The following RO60 variants were observed in gnomAD, a reference collection of about 807,000 sequenced individuals.
RO60 encodes the protein Ro60, Y RNA binding protein.
A neutral mutation model predicts 55.3 loss-of-function variants in RO60; 20 were observed. That is an observed-to-expected ratio of 0.36 (90% confidence interval 0.25 to 0.53). RO60 has a LOEUF of 0.53. RO60 is among the 20% of genes least tolerant of loss of function. The pLI, the probability that RO60 is intolerant of heterozygous loss-of-function variation, is 0.92. For synonymous variants in RO60, 213 were observed against 213.6 expected (o/e 1.00, Z 0.02); for missense variants, 558 against 646.6 (o/e 0.86, Z 1.49).
chr1:193,062,970 G>A (rs762967238), intron 1 of RO60, among the ~76,000 whole-genome samples: 4 of 151,954 alleles, frequency 2.6e-5, no homozygotes, highest in Non-Finnish European at 4.4e-5. Flanking sequence ...CTTTTTGACC[G>A]TTATGAGTAA....
intron 1 of RO60, among the ~76,000 whole-genome samples, chr1:193,066,582 T>C (rs2103025697): frequency 6.6e-6 from 1 of 152,360 alleles, no homozygotes; most frequent in East Asian, 1.9e-4. Context: ...TCCATGATAC[T>C]ATTCTCTGTC....
intron 2 of RO60, among the ~76,000 whole-genome samples, chr1:193,074,772 C>A (rs1215609904): frequency 6.6e-6 from 1 of 152,148 alleles, no homozygotes; most frequent in East Asian, 1.9e-4. Context: ...CTTTTGTTGC[C>A]ATTGCTTTTG....
rs567626813 is a variant in RO60, at chr1:193,085,216, T to TAA, written c.*495_*496dup. On this transcript the variant is annotated 3_prime_UTR_variant, in exon 9 of 9. Transcript: ENST00000400968. ...TCTGTAAACTTTTATACCAAGGGGG[T>TAA]AAAAAAAAAAACTAAGGCATTTGAT... 1.2e-4 allele frequency: 114 copies of TAA among 929,926 alleles called. No individual in the cohort carries two copies. The highest frequency in any genetic ancestry group is 5.6e-4 in the East Asian group (13 of 23,202). 57.6% of individuals were successfully genotyped at this position (929,926 alleles called of 1,614,324 possible).
Position 193,077,737 on chromosome 1 carries a change from A to G in RO60, c.1086+687A>G, listed in dbSNP as rs1324742742. ...AGAAGGGGGAATATGGTGCTAAACT[A>G]TTAGAAACTGCCCCCATGATCCAGT... On this transcript the variant is annotated intron_variant, in intron 5 of 8. Coordinates refer to ENST00000400968, the MANE Select transcript of RO60 (RefSeq NM_001173524.2). 2.0e-5 allele frequency among the ~76,000 whole-genome samples: 3 copies of G among 152,146 alleles called. No homozygotes were observed. In the East Asian group the frequency reaches 5.8e-4, roughly 29 times the overall value.
At position 193,059,929 on chromosome 1, in the gene RO60, C is replaced by G; in HGVS notation, c.-22+153C>G. The G allele has an allele frequency of 2.2e-6, 3 of 1,366,294 alleles. No individual in the cohort carries two copies. Among genetic ancestry groups the G allele is most frequent in the Non-Finnish European group, 2.9e-6 (3 of 1,021,756 alleles). 84.6% of individuals were successfully genotyped at this position (1,366,294 alleles called of 1,614,324 possible). A position where few individuals can be genotyped will look rare whatever the true frequency, so the allele number is the denominator to read the frequency against. On this transcript the variant is annotated intron_variant, in intron 1 of 8. Transcript: ENST00000400968. The surrounding 1 kb of genome is among the most constrained non-coding windows in gnomAD (Gnocchi z 4.9). Reference sequence around the variant, plus strand: ...ATCGCTCTTCCCCGTCCCGCTTCCGCGCCTGTCCACCCTGGGTAACGGAAC... The same window carrying G: ...ATCGCTCTTCCCCGTCCCGCTTCCGGGCCTGTCCACCCTGGGTAACGGAAC...
chr1:193,073,548 ACT>A (rs771785681), intron 2 of RO60, among the ~76,000 whole-genome samples: 12 of 151,638 alleles, frequency 7.9e-5, no homozygotes, highest in South Asian at 2.1e-4. Context: ...CACCCTAACA[ACT>A]CTCTATTACA....
chr1:193,063,209 G>A (rs1033616798), intron 1 of RO60, among the ~76,000 whole-genome samples: 4 of 152,112 alleles, frequency 2.6e-5, no homozygotes, highest in Non-Finnish European at 5.9e-5. Flanking sequence ...TTTGATTATA[G>A]CTGTCCTAGT....
chr1:193,083,306 T>C (rs1033984102), intron 8 of RO60, among the ~76,000 whole-genome samples: 2 of 152,202 alleles, frequency 1.3e-5, no homozygotes, highest in Non-Finnish European at 2.9e-5. Context: ...TAATTCAGTG[T>C]GCTCCTTGAA....
chr1:193,076,809 C>A, intron 4 of RO60, 104 bp from the exon 5 acceptor site: 1 of 1,369,514 alleles, frequency 7.3e-7, no homozygotes, highest in South Asian at 1.4e-5. Context: ...TCATTTTTCT[C>A]TTTTCTATAT....
rs1318523701 is a variant in RO60 at position 193,059,876 on chromosome 1, G to C, written c.-22+100G>C. 7.3e-7 allele frequency: 1 copy of C among 1,365,008 alleles called. No individual in the cohort carries two copies. 84.6% of individuals were successfully genotyped at this position (1,365,008 alleles called of 1,614,324 possible). ...CATGTCTCTCACCCGCATCCCAGGG[G>C]TTGAGGCTGGGCAAACGCCGCGAAA... is the stretch of plus-strand genomic sequence containing the variant. On this transcript the variant is annotated intron_variant, in intron 1 of 8. Transcript: ENST00000400968. This position sits in a 1 kb window ranked among gnomAD's most constrained non-coding sequence, Gnocchi z 4.9.
At chr1:193,073,533 C>T (rs187881693) in intron 2 of RO60, among the ~76,000 whole-genome samples, 32 of 152,176 alleles carry the variant, frequency 2.1e-4, no homozygotes, top group African/African-American at 6.5e-4. Context: ...TCTGTTCAGT[C>T]ACCACACCCT....
rs1451440304 is a variant in RO60 at position 193,090,887 on chromosome 1, T to A, written c.*6156T>A. 6.6e-6 allele frequency: 1 copy of A among 152,168 alleles called. No individual in the cohort carries two copies. Among genetic ancestry groups the A allele is most frequent in the Admixed American group, 6.5e-5 (1 of 15,276 alleles). The allele number at this position is 152,168 out of a possible 1,614,324, so 9.4% of individuals were successfully genotyped here. A position where few individuals can be genotyped will look rare whatever the true frequency, so the allele number is the denominator to read the frequency against. ...AAGGGTCTTTTAGAGCTTTTAATTT[T>A]ACATAGTGAATGGAAATTTAAGTAT... On this transcript the variant is annotated 3_prime_UTR_variant, in exon 9 of 9. Transcript: ENST00000400968.
chr1:193,070,837 A>G (rs893713950), intron 2 of RO60, among the ~76,000 whole-genome samples: 1 of 152,228 alleles, frequency 6.6e-6, no homozygotes, highest in Admixed American at 6.5e-5. Context: ...AATGAAATGT[A>G]AATAATAAAT....
chr1:193,070,839 AT>A (rs1673440895), intron 2 of RO60, among the ~76,000 whole-genome samples: 1 of 152,210 alleles, frequency 6.6e-6, no homozygotes, highest in African/African-American at 2.4e-5. Flanking sequence ...TGAAATGTAA[AT>A]AATAAATTGC....
chr1:193,069,691 C>A, intron 2 of RO60, 57 bp downstream of exon 2: 1 of 1,358,932 alleles, frequency 7.4e-7, no homozygotes, highest in Non-Finnish European at 1.0e-6. Flanking sequence ...CAATAAATAG[C>A]AAATTTTTAT....
Position 193,085,025 on chromosome 1 carries a change from T to C in RO60, c.*294T>C. ...TAGTTTTGCTTTGTTGAATAATACG[T>C]GTGTACCTAAAAGAGGTAAGAGCAA... On this transcript the variant is annotated 3_prime_UTR_variant, in exon 9 of 9. Coordinates refer to ENST00000400968, the MANE Select transcript of RO60 (RefSeq NM_001173524.2). The C allele has an allele frequency of 7.8e-6, 12 of 1,540,744 alleles. No homozygotes were observed. The highest frequency in any genetic ancestry group is 1.0e-5 in the Non-Finnish European group (12 of 1,144,448).
chr1:193,073,440 A>G (rs1165075689), intron 2 of RO60, among the ~76,000 whole-genome samples: 1 of 152,180 alleles, frequency 6.6e-6, no homozygotes, highest in Admixed American at 6.5e-5. Context: ...AAAAACCCAT[A>G]TTCTGGCTTC....
chr1:193,090,803 T>TG lies in RO60; in HGVS notation c.*6076dup, dbSNP rs1368801003. ...ATTCAGGCATACTAGTTACTTTCCTTGGGGTCTGTTTAAATAATGCCTTAA... is the reference window on the plus strand; with the variant it reads ...ATTCAGGCATACTAGTTACTTTCCTTGGGGGTCTGTTTAAATAATGCCTTAA... On this transcript the variant is annotated 3_prime_UTR_variant, in exon 9 of 9. Coordinates refer to ENST00000400968, the MANE Select transcript of RO60 (RefSeq NM_001173524.2). The TG allele has an allele frequency of 3.9e-5, 6 of 152,154 alleles. No homozygotes were observed. Among genetic ancestry groups the TG allele is most frequent in the African/African-American group, 1.4e-4 (6 of 41,448 alleles). The allele number at this position is 152,154 out of a possible 1,614,324, so 9.4% of individuals were successfully genotyped here. A position where few individuals can be genotyped will look rare whatever the true frequency, so the allele number is the denominator to read the frequency against.
intron 1 of RO60, among the ~76,000 whole-genome samples, chr1:193,062,814 C>G (rs572330331): frequency 2.0e-4 from 31 of 152,296 alleles, no homozygotes; most frequent in Non-Finnish European, 4.3e-4. Flanking sequence ...GCTTCTTTGA[C>G]TTGGCATAAT....
Sources: allele counts gnomAD v4.1 joint callset (sites outside exome capture counted in the v4.1 genomes callset), GRCh38; gene constraint gnomAD v4.1.1; non-coding constraint Gnocchi (gnomAD v3.1); transcripts MANE v1.5; gene names NCBI Gene and HGNC (gene_info 2026-07-23, HGNC 2026-07-21).